GALNTL6: variants seen among roughly 807,000 people sequenced by gnomAD.
GALNTL6 encodes polypeptide N-acetylgalactosaminyltransferase like 6, also known as polypeptide N-acetylgalactosaminyltransferase-like 6.
In GALNTL6, 46 loss-of-function variants were observed where a neutral mutation model predicts 73.7. The ratio of observed to expected loss-of-function variants is 0.62; its 90% CI spans 0.49 to 0.80. The LOEUF (loss-of-function observed/expected upper bound fraction) is 0.80, where lower values mean the gene tolerates loss of function less well. Ranked by LOEUF, GALNTL6 falls within the 30% of genes least tolerant of loss-of-function variation. GALNTL6 has a pLI of 0.00. For synonymous variants in GALNTL6, 259 were observed against 263.7 expected, an observed-to-expected ratio of 0.98 and a Z score of 0.17; for missense variants, 604 against 755.0, an observed-to-expected ratio of 0.80 and a Z score of 2.34.
intron 2 of GALNTL6, among the ~76,000 whole-genome samples, chr4:171,987,381 G>A (rs1740133277): frequency 1.3e-5 from 2 of 152,144 alleles, no homozygotes; most frequent in South Asian, 4.1e-4. Context: ...GTATAGAGAT[G>A]GGAAGGCTAA....
At chr4:173,015,052 C>T (rs1056641944) in intron 11 of GALNTL6, among the ~76,000 whole-genome samples, 1 of 152,158 alleles carries the variant, frequency 6.6e-6, no homozygotes, top group East Asian at 1.9e-4. Context: ...AGGCGCTTTT[C>T]CCCCTTTTGT....
intron 5 of GALNTL6, among the ~76,000 whole-genome samples, chr4:172,379,802 C>T (rs533182931): frequency 2.4e-4 from 36 of 152,218 alleles, no homozygotes; most frequent in African/African-American, 7.9e-4. Context: ...TGCTTTTAAA[C>T]GTTTCCCAAC....
chr4:172,922,878 TAC>T (rs990125129), intron 8 of GALNTL6, among the ~76,000 whole-genome samples: 6 of 152,206 alleles, frequency 3.9e-5, no homozygotes, highest in African/African-American at 1.2e-4. Context: ...ATCATTTCAT[TAC>T]AGTTATCCCA....
chr4:172,532,131 A>G (rs943417590), intron 5 of GALNTL6, among the ~76,000 whole-genome samples: 1 of 152,154 alleles, frequency 6.6e-6, no homozygotes, highest in African/African-American at 2.4e-5. Context: ...TATGAGTTGG[A>G]TTGATACACT....
intron 5 of GALNTL6, among the ~76,000 whole-genome samples, chr4:172,595,465 G>A (rs1005226169): frequency 1.3e-5 from 2 of 152,068 alleles, no homozygotes; most frequent in African/African-American, 4.8e-5. Context: ...AGTGTTAAGA[G>A]AGATCACAAT....
chr4:171,958,333 C>CT (rs1392734303), intron 2 of GALNTL6, among the ~76,000 whole-genome samples: 3 of 152,126 alleles, frequency 2.0e-5, no homozygotes, highest in Admixed American at 2.0e-4. Flanking sequence ...ATACACAAGT[C>CT]TTTTTCTATA....
At chr4:172,040,287 A>T (rs982035615) in intron 2 of GALNTL6, among the ~76,000 whole-genome samples, 2 of 152,146 alleles carry the variant, frequency 1.3e-5, no homozygotes, top group African/African-American at 4.8e-5. Flanking sequence ...AAAGGTATTT[A>T]TCTGGAAAGA....
At chr4:172,238,690 G>A (rs761069616) in intron 3 of GALNTL6, among the ~76,000 whole-genome samples, 7 of 152,096 alleles carry the variant, frequency 4.6e-5, no homozygotes, top group Non-Finnish European at 1.0e-4. Context: ...GTTTTCAAGG[G>A]TGATGCTTCC....
At chr4:171,936,752 T>C (rs998428156) in intron 2 of GALNTL6, among the ~76,000 whole-genome samples, 1 of 152,190 alleles carries the variant, frequency 6.6e-6, no homozygotes, top group African/African-American at 2.4e-5. Flanking sequence ...ATTTAATTGA[T>C]TCACTTTTAG....
intron 2 of GALNTL6, among the ~76,000 whole-genome samples, chr4:171,943,519 A>G (rs566135230): frequency 6.6e-6 from 1 of 152,274 alleles, no homozygotes; most frequent in East Asian, 1.9e-4. Flanking sequence ...GTAGCCACCT[A>G]TATTTGTCTC....
intron 2 of GALNTL6, among the ~76,000 whole-genome samples, chr4:172,189,906 C>T (rs571308552): frequency 5.3e-5 from 8 of 152,076 alleles, no homozygotes; most frequent in Non-Finnish European, 5.9e-5. Flanking sequence ...TGCTATTCAG[C>T]GTATAATCAC....
intron 7 of GALNTL6, among the ~76,000 whole-genome samples, chr4:172,842,867 T>C (rs541534114): frequency 1.3e-5 from 2 of 152,224 alleles, no homozygotes; most frequent in South Asian, 4.2e-4. Flanking sequence ...ATAACCAAAG[T>C]GAGCCGTGAG....
intron 4 of GALNTL6, among the ~76,000 whole-genome samples, chr4:172,313,750 TGGATATTTAATA>T (rs1167051028): frequency 6.6e-6 from 1 of 152,140 alleles, no homozygotes; most frequent in African/African-American, 2.4e-5. Context: ...TTACTAAGGC[TGGATATTTAATA>T]GGACAAGTGG....
At chr4:171,985,381 T>C (rs1740037786) in intron 2 of GALNTL6, among the ~76,000 whole-genome samples, 2 of 152,172 alleles carry the variant, frequency 1.3e-5, no homozygotes, top group African/African-American at 4.8e-5. Context: ...GAGTACACTA[T>C]GGGGGAAACC....
intron 2 of GALNTL6, among the ~76,000 whole-genome samples, chr4:171,823,323 C>T (rs114926395): frequency 3.2e-3 from 483 of 152,122 alleles, no homozygotes; most frequent in Middle Eastern, 6.8e-3. Context: ...CAGGAGAAGG[C>T]TGATGCCCTG....
chr4:172,419,021 A>G (rs1730952087), intron 5 of GALNTL6, among the ~76,000 whole-genome samples: 1 of 152,108 alleles, frequency 6.6e-6, no homozygotes, highest in East Asian at 1.9e-4. Context: ...CAATTAATCA[A>G]TTGACCTTTT....
intron 3 of GALNTL6, among the ~76,000 whole-genome samples, chr4:172,300,234 T>TC (rs1739858982): frequency 6.6e-6 from 1 of 152,184 alleles, no homozygotes; most frequent in Non-Finnish European, 1.5e-5. Flanking sequence ...TAGATCTTCC[T>TC]TCATCCCTTT....
At chr4:171,975,547 G>A (rs1739695623) in intron 2 of GALNTL6, among the ~76,000 whole-genome samples, 1 of 141,996 alleles carries the variant, frequency 7.0e-6, no homozygotes. Flanking sequence ...GCTGAACTGG[G>A]GCTAGTTTTT....
At chr4:171,989,048 A>G (rs371864793) in intron 2 of GALNTL6, among the ~76,000 whole-genome samples, 1 of 152,262 alleles carries the variant, frequency 6.6e-6, no homozygotes, top group Non-Finnish European at 1.5e-5. Flanking sequence ...AGGAGTGCTT[A>G]AAAGAGTATT....
Sources: allele counts gnomAD v4.1 joint callset (sites outside exome capture counted in the v4.1 genomes callset), GRCh38; gene constraint gnomAD v4.1.1; transcripts MANE v1.5; gene names NCBI Gene and HGNC (gene_info 2026-07-23, HGNC 2026-07-21).